The following BLM variants were observed in gnomAD, a reference collection of about 807,000 sequenced individuals.
The protein encoded by BLM is BLM RecQ like helicase, also known as recQ-like DNA helicase BLM.
In BLM, 95 loss-of-function variants were observed where a neutral mutation model predicts 135.3. That is an observed-to-expected ratio of 0.70 (90% CI 0.59 to 0.83). The LOEUF is 0.83. BLM is among the 40% of genes least tolerant of loss of function. The pLI, the probability that BLM is intolerant of heterozygous loss-of-function variation, is 0.00. For synonymous variants in BLM, 520 were observed against 589.2 expected, an observed-to-expected ratio of 0.88 and a Z score of 1.70; for missense variants, 1,518 against 1,663.9, an observed-to-expected ratio of 0.91 and a Z score of 1.53.
At chr15:90,771,595 AT>A (rs760752305) in intron 12 of BLM, among the ~76,000 whole-genome samples, 23,489 of 125,272 alleles carry the variant, frequency 0.19, 1,022 homozygotes, top group Non-Finnish European at 0.2. Flanking sequence ...TTGATCTATA[AT>A]TTTTTTTTTT....
chr15:90,747,355 A>G (rs1895530498), intron 1 of BLM, 34 bp from the exon 2 acceptor site: 10 of 1,508,824 alleles, frequency 6.6e-6, no homozygotes, highest in Non-Finnish European at 9.1e-6. Flanking sequence ...CAAAGTACCT[A>G]ACTCCACTGA....
At chr15:90,759,822 G>A (rs1195559845) in intron 5 of BLM, among the ~76,000 whole-genome samples, 1 of 151,150 alleles carries the variant, frequency 6.6e-6, no homozygotes, top group Non-Finnish European at 1.5e-5. Context: ...GGCCAGGCTG[G>A]TCTCGAACTC....
intron 16 of BLM, among the ~76,000 whole-genome samples, chr15:90,795,273 G>A (rs1596260844): frequency 6.6e-6 from 1 of 152,302 alleles, no homozygotes; most frequent in East Asian, 1.9e-4. Flanking sequence ...GAGGTCAAGA[G>A]TTCAAGACCA....
At chr15:90,749,275 C>T in intron 2 of BLM, 92 bp from the exon 3 acceptor site, 1 of 865,106 alleles carries the variant, frequency 1.2e-6, no homozygotes, top group Non-Finnish European at 1.8e-6. Flanking sequence ...ATTAATGTAA[C>T]CTGTGTGAAT....
At chr15:90,811,671 A>G (rs1028409041) in intron 21 of BLM, among the ~76,000 whole-genome samples, 2 of 152,118 alleles carry the variant, frequency 1.3e-5, no homozygotes, top group African/African-American at 4.8e-5. Context: ...TCTTTTTTTA[A>G]TTTGAGGACA....
At position 90,811,406 on chromosome 15, in the gene BLM, G is replaced by A. The variant is rs1308799871; in HGVS notation, c.4076G>A (p.Gly1359Glu). The change falls in exon 21 of 22, where the codon GGG becomes GAG. Residue 1359 changes from glycine to glutamate, a missense_variant and splice_region_variant. Around this residue, in one of 5 missense-constraint regions of BLM, gnomAD observed 153 missense variants for 173.4 expected, o/e 0.88. Coordinates refer to ENST00000355112, the MANE Select transcript of BLM (RefSeq NM_000057.4). ...GCTTCCAGTGGTTCCAAGGCAAAGG[G>A]GTATGTTTTGTGACATCTTTTTCAA... ...KTASSGSKAK[G>E]GSATCRKISS... 3.4e-5 allele frequency: 55 copies of A among 1,613,798 alleles called. No individual in the cohort carries two copies. Among genetic ancestry groups the A allele is most frequent in the Non-Finnish European group, 4.5e-5 (53 of 1,179,900 alleles).
Position 90,737,107 on chromosome 15 carries a change from A to G in BLM, c.-4-10282A>G, listed in dbSNP as rs548517747. Among the ~76,000 whole-genome samples, 3 of 152,290 alleles carry G rather than the reference A, an allele frequency of 2.0e-5. No homozygotes were observed. In the South Asian group the frequency reaches 6.2e-4, roughly 32 times the overall value. ...GACTGACCAATCAAGTAACTTTTGA[A>G]TATAGTACTTTAATTATGTACCCTT... On this transcript the variant is annotated intron_variant, in intron 1 of 21. Transcript: ENST00000355112.
chr15:90,733,823 T>A (rs1263242298), intron 1 of BLM, among the ~76,000 whole-genome samples: 1 of 152,212 alleles, frequency 6.6e-6, no homozygotes, highest in African/African-American at 2.4e-5. Context: ...CAACCACTTA[T>A]CTGGTTTCTG....
rs1897522471 is a variant in BLM at position 90,815,053 on chromosome 15, AT to A, written c.4077-44del. On this transcript the variant is annotated intron_variant, in intron 21 of 21. Transcript: ENST00000355112. The surrounding 1 kb of genome is among the most constrained non-coding windows in gnomAD (Gnocchi z 4.6). ...GTGCAGGTTGAGAGGAAGGTCATTCATTTTTGGTTTCATTTAACATTTTGAT... is the reference window on the plus strand; with the variant it reads ...GTGCAGGTTGAGAGGAAGGTCATTCATTTTGGTTTCATTTAACATTTTGAT... The A allele has an allele frequency of 6.3e-7, 1 of 1,586,808 alleles. No individual in the cohort carries two copies. Among genetic ancestry groups the A allele is most frequent in the South Asian group, 1.1e-5 (1 of 90,488 alleles).
chr15:90,803,470 G>T (rs756189246), intron 17 of BLM, 51 bp from the exon 18 acceptor site: 1 of 1,536,400 alleles, frequency 6.5e-7, no homozygotes, highest in South Asian at 1.1e-5. Flanking sequence ...CTATTTGAGG[G>T]TGATGATATA....
chr15:90,781,495 G>A lies in BLM; in HGVS notation c.2556-1327G>A, dbSNP rs1410224293. The stretch of plus-strand genomic sequence containing the variant: ...ACAAAAATGAGCTGGGTGTGGTGGC[G>A]GGCACCTGTAATTCCAGCTATTCAG... On this transcript the variant is annotated intron_variant, in intron 12 of 21. Transcript: ENST00000355112. Among the ~76,000 whole-genome samples, 6 of 152,160 alleles carry A rather than the reference G, an allele frequency of 3.9e-5. No individual in the cohort carries two copies. The East Asian group carries it at 7.7e-4, about 20-fold the overall frequency.
chr15:90,731,879 T>C (rs1358690568), intron 1 of BLM, among the ~76,000 whole-genome samples: 2 of 152,178 alleles, frequency 1.3e-5, no homozygotes, highest in Non-Finnish European at 1.5e-5. Context: ...TTTGTATTTT[T>C]GGTAGAGATG....
In BLM at chr15:90,787,949, C is replaced by CA. The variant is rs11355198; in HGVS notation, c.2824-2687dup. Among the ~76,000 whole-genome samples, 211 of 136,272 alleles carry CA rather than the reference C, an allele frequency of 1.5e-3. 2 individuals carry two copies. The highest frequency in any genetic ancestry group is 7.4e-3 in the Admixed American group (98 of 13,238). 89.4% of individuals were successfully genotyped at this position (136,272 alleles called of 152,430 possible). A position where few individuals can be genotyped will look rare whatever the true frequency, so the allele number is the denominator to read the frequency against. On this transcript the variant is annotated intron_variant, in intron 14 of 21. Coordinates refer to ENST00000355112, the MANE Select transcript of BLM (RefSeq NM_000057.4). ...TGGGAAACAGAACAAGACTCTATGT[C>CA]AAAAAAAAAAAAAGAAAGAAAAATT...
Position 90,788,477 on chromosome 15 carries a change from T to G in BLM, c.2824-2172T>G, listed in dbSNP as rs867655752. Reference sequence around the variant, plus strand: ...ACCCAAATGCCAGTGTTTTGTTTTTTTTTTTTTTTTTTTTTTTGGTTTTTT... The same window carrying G: ...ACCCAAATGCCAGTGTTTTGTTTTTGTTTTTTTTTTTTTTTTTGGTTTTTT... On this transcript the variant is annotated intron_variant, in intron 14 of 21. Coordinates refer to ENST00000355112, the MANE Select transcript of BLM (RefSeq NM_000057.4). 4.9e-3 allele frequency among the ~76,000 whole-genome samples: 726 copies of G among 148,546 alleles called. 3 individuals carry two copies. Among genetic ancestry groups the G allele is most frequent in the African/African-American group, 0.017 (686 of 40,450 alleles).
intron 9 of BLM, 78 bp from the exon 10 acceptor site, chr15:90,766,832 T>C: frequency 8.6e-6 from 8 of 931,038 alleles, no homozygotes; most frequent in South Asian, 4.4e-5. Flanking sequence ...TAATAAAATA[T>C]TTATAAAACC....
chr15:90,768,474 A>C (rs945144555), intron 10 of BLM, among the ~76,000 whole-genome samples: 12 of 152,136 alleles, frequency 7.9e-5, no homozygotes, highest in Non-Finnish European at 1.8e-4. Context: ...GAGAGCTATA[A>C]AATATATAAT....
At chr15:90,793,512 C>T (rs28385093) in intron 15 of BLM, among the ~76,000 whole-genome samples, 1 of 151,962 alleles carries the variant, frequency 6.6e-6, no homozygotes, top group Non-Finnish European at 1.5e-5. Flanking sequence ...GAATCAAATC[C>T]GACACTGCCA....
At chr15:90,784,327 CTTTTTTTTTTT>C (rs769540432) in intron 13 of BLM, among the ~76,000 whole-genome samples, 29 of 70,004 alleles carry the variant, frequency 4.1e-4, no homozygotes, top group Non-Finnish European at 6.4e-4. Flanking sequence ...AATGGCTTTT[CTTTTTTTTTTT>C]TTTTTTTTTT....
chr15:90,777,805 C>A (rs796532909), intron 12 of BLM, among the ~76,000 whole-genome samples: 1 of 152,116 alleles, frequency 6.6e-6, no homozygotes, highest in Non-Finnish European at 1.5e-5. Flanking sequence ...ATTTTTATCA[C>A]CCCAGCGAGA....
Sources: gnomAD v4.1 joint callset for allele counts (sites outside exome capture counted in the v4.1 genomes callset) on GRCh38, gnomAD v4.1.1 for gene constraint, gnomAD v4.1.1 regional missense constraint, Gnocchi (gnomAD v3.1) non-coding constraint, MANE v1.5 for transcripts, NCBI Gene and HGNC (gene_info 2026-07-23, HGNC 2026-07-21) for gene names.